RAB1A: variants seen among roughly 807,000 people sequenced by gnomAD.
The protein encoded by RAB1A is RAB1A, member RAS oncogene family, also known as ras-related protein Rab-1A.
In RAB1A, 2 loss-of-function variants were observed where a neutral mutation model predicts 26.0. The ratio of observed to expected loss-of-function variants is 0.08; its 90% CI spans 0.03 to 0.24. The LOEUF is 0.24. Ranked by LOEUF, RAB1A falls within the 10% of genes least tolerant of loss-of-function variation. RAB1A has a pLI of 1.00. For missense variants in RAB1A, 100 were observed against 247.0 expected, an observed-to-expected ratio of 0.40 and a Z score of 3.99; for synonymous variants, 84 against 84.9, an observed-to-expected ratio of 0.99 and a Z score of 0.06.
intron 3 of RAB1A, among the ~76,000 whole-genome samples, chr2:65,094,885 G>C (rs1669247695): frequency 6.6e-6 from 1 of 152,172 alleles, no homozygotes; most frequent in Non-Finnish European, 1.5e-5. Flanking sequence ...GAAAGAATGA[G>C]GACTTCAGAG....
At chr2:65,091,187 G>T (rs1669161824) in intron 3 of RAB1A, 109 bp from the exon 4 acceptor site, 4 of 778,296 alleles carry the variant, frequency 5.1e-6, no homozygotes, top group South Asian at 1.8e-5. Context: ...GAGATTATCA[G>T]GATGTGATAT....
chr2:65,092,840 A>G (rs897362384), intron 3 of RAB1A, among the ~76,000 whole-genome samples: 4 of 152,186 alleles, frequency 2.6e-5, no homozygotes, highest in Non-Finnish European at 4.4e-5. Context: ...ATTATGGAGA[A>G]GTGATTGGAT....
intron 1 of RAB1A, among the ~76,000 whole-genome samples, chr2:65,118,988 A>G (rs1669886949): frequency 6.6e-6 from 1 of 151,994 alleles, no homozygotes; most frequent in Non-Finnish European, 1.5e-5. Flanking sequence ...CAGGAGTTCA[A>G]AACCAGCCTG....
At chr2:65,098,853 T>TTTTTTTTTTGG (rs1669351845) in intron 2 of RAB1A, among the ~76,000 whole-genome samples, 1 of 149,868 alleles carries the variant, frequency 6.7e-6, no homozygotes, top group Non-Finnish European at 1.5e-5. Context: ...TTTTTTTTTT[T>TTTTTTTTTTGG]GAGGCAGGAT....
At chr2:65,129,081 CT>C (rs1275807935) in intron 1 of RAB1A, among the ~76,000 whole-genome samples, 1 of 152,060 alleles carries the variant, frequency 6.6e-6, no homozygotes, top group Admixed American at 6.6e-5. Context: ...GTTCGTTTCT[CT>C]TTCAACTTGA....
At chr2:65,127,740 A>G (rs910991929) in intron 1 of RAB1A, among the ~76,000 whole-genome samples, 1 of 151,984 alleles carries the variant, frequency 6.6e-6, no homozygotes, top group African/African-American at 2.4e-5. Context: ...AACAATAAAT[A>G]ATTTTTTTTT....
Position 65,127,903 on chromosome 2 carries a change from T to C in RAB1A, c.23+1990A>G, listed in dbSNP as rs1008033701. Among the ~76,000 whole-genome samples, 19 of 152,110 alleles carry C rather than the reference T, an allele frequency of 1.2e-4. No individual in the cohort carries two copies. In the East Asian group the frequency reaches 1.6e-3, roughly 12 times the overall value. On this transcript the variant is annotated intron_variant, in intron 1 of 5. Transcript: ENST00000409784. ...TGCCCACCACCACGCCCGGCTAATT[T>C]TTTTGCATTTTTAGTAGAGACGGGG... is the stretch of plus-strand genomic sequence containing the variant.
intron 1 of RAB1A, among the ~76,000 whole-genome samples, chr2:65,123,299 T>G (rs534832993): frequency 6.6e-6 from 1 of 151,336 alleles, no homozygotes; most frequent in African/African-American, 2.4e-5. Flanking sequence ...GCCTCCCAAG[T>G]AGCTGGGACT....
intron 1 of RAB1A, among the ~76,000 whole-genome samples, chr2:65,119,938 C>A (rs558357027): frequency 1.4e-3 from 205 of 151,140 alleles, no homozygotes; most frequent in African/African-American, 4.7e-3. Context: ...GTGAAGATGC[C>A]TAATTTGGAG....
At chr2:65,088,901 C>T (rs758701438) in intron 5 of RAB1A, 38 bp downstream of exon 5, 2 of 1,564,800 alleles carry the variant, frequency 1.3e-6, no homozygotes, top group Non-Finnish European at 1.7e-6. Flanking sequence ...TAATTCAACA[C>T]CTTCAAATTC....
chr2:65,088,790 T>G, intron 5 of RAB1A, 100 bp from the exon 6 acceptor site: 1 of 1,323,966 alleles, frequency 7.6e-7, no homozygotes, highest in Non-Finnish European at 1.0e-6. Flanking sequence ...ACTAAGTTCA[T>G]TGGATCCAAA....
chr2:65,103,298 T>TAAAAAAAAA (rs1453771514), intron 2 of RAB1A, among the ~76,000 whole-genome samples: 1 of 6,710 alleles, frequency 1.5e-4, no homozygotes, highest in Non-Finnish European at 3.6e-4. Flanking sequence ...AGAATCTGTC[T>TAAAAAAAAA]CAAAAAAAAA....
chr2:65,123,992 T>G (rs978297160), intron 1 of RAB1A, among the ~76,000 whole-genome samples: 5 of 152,174 alleles, frequency 3.3e-5, no homozygotes, highest in African/African-American at 1.2e-4. Flanking sequence ...GAAATTTTTA[T>G]TTTTTATTTT....
intron 3 of RAB1A, among the ~76,000 whole-genome samples, chr2:65,097,603 G>A (rs971862983): frequency 6.6e-5 from 10 of 151,980 alleles, no homozygotes; most frequent in African/African-American, 2.2e-4. Context: ...CTCTTCCTAG[G>A]GTTCCTTTAA....
intron 1 of RAB1A, among the ~76,000 whole-genome samples, chr2:65,125,081 G>A (rs1181722315): frequency 6.8e-6 from 1 of 146,702 alleles, no homozygotes; most frequent in Admixed American, 6.8e-5. Context: ...AATGTTTCTT[G>A]AGTATAACAT....
intron 1 of RAB1A, among the ~76,000 whole-genome samples, chr2:65,105,675 T>A (rs1669538360): frequency 6.6e-6 from 1 of 152,086 alleles, no homozygotes; most frequent in Non-Finnish European, 1.5e-5. Context: ...AAACTAGAAA[T>A]GTGATAAATT....
chr2:65,088,829 A>G (rs750911246), intron 5 of RAB1A, 110 bp downstream of exon 5: 3 of 1,338,532 alleles, frequency 2.2e-6, no homozygotes, highest in East Asian at 2.5e-5. Flanking sequence ...TCACTGTCAC[A>G]GTATTCTAGT....
At chr2:65,125,417 T>C (rs1670074432) in intron 1 of RAB1A, among the ~76,000 whole-genome samples, 1 of 149,800 alleles carries the variant, frequency 6.7e-6, no homozygotes, top group Non-Finnish European at 1.5e-5. Flanking sequence ...TGTTAAGTAT[T>C]TCTTTCTTTT....
rs138999104 is a variant in RAB1A, at chr2:65,086,877, T to C, written c.*1616A>G. 1 of 152,772 alleles carries C rather than the reference T, an allele frequency of 6.5e-6. No homozygotes were observed. The highest frequency in any genetic ancestry group is 1.9e-4 in the East Asian group (1 of 5,190). The allele number at this position is 152,772 out of a possible 1,614,324, so 9.5% of individuals were successfully genotyped here. On this transcript the variant is annotated 3_prime_UTR_variant, in exon 6 of 6. Coordinates refer to ENST00000409784, the MANE Select transcript of RAB1A (RefSeq NM_004161.5). ...AATACAAAGTAAACTATGATTTTTA[T>C]TGTGAAATTTTCATAGATGGAAAAT...
Sources: allele counts gnomAD v4.1 joint callset (sites outside exome capture counted in the v4.1 genomes callset), GRCh38; gene constraint gnomAD v4.1.1; transcripts MANE v1.5; gene names NCBI Gene and HGNC (gene_info 2026-07-23, HGNC 2026-07-21).